PAG1: variants seen among roughly 807,000 people sequenced by gnomAD.
PAG1 encodes phosphoprotein associated with glycosphingolipid-enriched microdomains 1.
A neutral mutation model predicts 31.7 loss-of-function variants in PAG1; 23 were observed. The observed-to-expected ratio is 0.73, with a 90% CI of 0.52 to 1.03. The LOEUF is 1.03. PAG1 is among the 50% of genes least tolerant of loss of function. The probability of loss-of-function intolerance (pLI) is 0.00; values close to 1 mark genes in which losing one functional copy is unlikely to be tolerated. For synonymous variants in PAG1, 214 were observed against 210.3 expected, an observed-to-expected ratio of 1.02 and a Z score of -0.15; for missense variants, 473 against 540.7, an observed-to-expected ratio of 0.87 and a Z score of 1.24.
chr8:81,057,917 T>C (rs1235689977), intron 2 of PAG1, among the ~76,000 whole-genome samples: 1 of 152,152 alleles, frequency 6.6e-6, no homozygotes, highest in East Asian at 1.9e-4. Flanking sequence ...GTTTTACATA[T>C]CAATAACAAA....
chr8:81,050,203 T>C (rs903152930), intron 2 of PAG1, among the ~76,000 whole-genome samples: 14 of 152,210 alleles, frequency 9.2e-5, no homozygotes, highest in African/African-American at 3.4e-4. Context: ...ATGATAGTGT[T>C]GCAATTAAAA....
Position 80,974,152 on chromosome 8 carries a change from G to GTTTTTT in PAG1, c.*2386_*2391dup, listed in dbSNP as rs554932519. The GTTTTTT allele has an allele frequency of 5.1e-3, 589 of 114,882 alleles. No individual in the cohort carries two copies. Among genetic ancestry groups the GTTTTTT allele is most frequent in the Non-Finnish European group, 6.5e-3 (373 of 57,472 alleles). 7.1% of individuals were successfully genotyped at this position (114,882 alleles called of 1,614,324 possible). ...ATTATTTATGAGCTTTCTATAAAAA[G>GTTTTTT]TTTTTTTTTTTTTTTTTTTTTTACT... On this transcript the variant is annotated 3_prime_UTR_variant, in exon 9 of 9. Transcript: ENST00000220597.
At chr8:81,004,355 C>T (rs1027675187) in intron 3 of PAG1, among the ~76,000 whole-genome samples, 1 of 152,206 alleles carries the variant, frequency 6.6e-6, no homozygotes, top group Non-Finnish European at 1.5e-5. Flanking sequence ...TCTCTTACTA[C>T]AGGCAGTCTG....
intron 7 of PAG1, among the ~76,000 whole-genome samples, chr8:80,980,825 A>G (rs1586138729): frequency 1.3e-5 from 2 of 152,338 alleles, no homozygotes; most frequent in East Asian, 3.9e-4. Flanking sequence ...AATATTTAAA[A>G]ACATGGTGTT....
rs773196982 is a variant in PAG1 at position 80,990,549 on chromosome 8, G to A, written c.177+930C>T. On this transcript the variant is annotated intron_variant, in intron 5 of 8. Coordinates refer to ENST00000220597, the MANE Select transcript of PAG1 (RefSeq NM_018440.4). This position sits in a 1 kb window ranked among gnomAD's most constrained non-coding sequence, Gnocchi z 5.1. ...CTGAACTCTGCCTTGCTAATGTGAC[G>A]ATGGGCCCCCTCCCCAGCGGCTGGG... 2.0e-5 allele frequency among the ~76,000 whole-genome samples: 3 copies of A among 152,108 alleles called. No individual in the cohort carries two copies. Among genetic ancestry groups the A allele is most frequent in the East Asian group, 1.9e-4 (1 of 5,182 alleles).
At chr8:81,076,938 G>A (rs1809188234) in intron 1 of PAG1, among the ~76,000 whole-genome samples, 1 of 152,206 alleles carries the variant, frequency 6.6e-6, no homozygotes, top group Non-Finnish European at 1.5e-5. Flanking sequence ...AAGAGTTTTT[G>A]ATGAAGATGA....
intron 3 of PAG1, among the ~76,000 whole-genome samples, chr8:81,009,629 T>C (rs914023787): frequency 6.6e-6 from 1 of 152,192 alleles, no homozygotes; most frequent in Non-Finnish European, 1.5e-5. Context: ...TGCCAACTTT[T>C]TTTTTAAGAC....
chr8:81,084,726 C>T (rs1809324000), intron 1 of PAG1, among the ~76,000 whole-genome samples: 1 of 152,076 alleles, frequency 6.6e-6, no homozygotes, highest in Non-Finnish European at 1.5e-5. Flanking sequence ...AATTTTCTTC[C>T]CAATGGCTTT....
intron 7 of PAG1, among the ~76,000 whole-genome samples, chr8:80,983,857 A>C (rs1016684468): frequency 6.6e-6 from 1 of 152,220 alleles, no homozygotes; most frequent in Non-Finnish European, 1.5e-5. Context: ...TGGTGCTCTC[A>C]ACAGCTGATT....
chr8:80,981,842 C>A (rs925113601), intron 7 of PAG1, among the ~76,000 whole-genome samples: 2 of 150,256 alleles, frequency 1.3e-5, no homozygotes, highest in Admixed American at 1.3e-4. Flanking sequence ...CGAAATTCTA[C>A]CTACTCATTA....
intron 1 of PAG1, among the ~76,000 whole-genome samples, chr8:81,098,212 A>G (rs151188675): frequency 6.6e-6 from 1 of 152,214 alleles, no homozygotes; most frequent in Non-Finnish European, 1.5e-5. Context: ...ATTAAAACAG[A>G]CGTGAAATTT....
At chr8:81,063,111 A>G (rs1808944454) in intron 2 of PAG1, among the ~76,000 whole-genome samples, 1 of 152,210 alleles carries the variant, frequency 6.6e-6, no homozygotes, top group African/African-American at 2.4e-5. Flanking sequence ...GAATTTAAAT[A>G]TCTAAAATGA....
intron 2 of PAG1, among the ~76,000 whole-genome samples, chr8:81,060,862 T>C (rs965118115): frequency 2.0e-5 from 3 of 152,200 alleles, no homozygotes; most frequent in African/African-American, 7.2e-5. Context: ...AACTATCCAA[T>C]AAGCATTACC....
chr8:81,074,703 G>A (rs574127302), intron 1 of PAG1, among the ~76,000 whole-genome samples: 1 of 152,242 alleles, frequency 6.6e-6, no homozygotes, highest in African/African-American at 2.4e-5. Flanking sequence ...ACCCCCAGGT[G>A]ATTCACACTA....
At chr8:81,007,590 T>A (rs1807907104) in intron 3 of PAG1, among the ~76,000 whole-genome samples, 1 of 130,968 alleles carries the variant, frequency 7.6e-6, no homozygotes, top group African/African-American at 3.0e-5. Flanking sequence ...TGAGCTGAGA[T>A]CGTGCCACTG....
chr8:81,022,286 T>G (rs1296473661), intron 3 of PAG1, among the ~76,000 whole-genome samples: 1 of 152,252 alleles, frequency 6.6e-6, no homozygotes, highest in African/African-American at 2.4e-5. Flanking sequence ...TAATCAAATG[T>G]AAAAGTTATT....
intron 2 of PAG1, among the ~76,000 whole-genome samples, chr8:81,035,827 C>G (rs183109814): frequency 6.6e-5 from 10 of 151,996 alleles, no homozygotes; most frequent in Admixed American, 6.5e-4. Context: ...GGCCAAAGAT[C>G]ACAGAAGCCT....
intron 2 of PAG1, among the ~76,000 whole-genome samples, chr8:81,060,349 A>C (rs1322685811): frequency 6.6e-6 from 1 of 152,184 alleles, no homozygotes; most frequent in Non-Finnish European, 1.5e-5. Context: ...TATACAATTA[A>C]CTCTACCTAA....
chr8:81,020,140 C>G (rs1808138144), intron 3 of PAG1, among the ~76,000 whole-genome samples: 1 of 152,188 alleles, frequency 6.6e-6, no homozygotes, highest in African/African-American at 2.4e-5. Context: ...CCCATTATAT[C>G]TGGGAAATAA....
Sources: gnomAD v4.1 joint callset for allele counts (sites outside exome capture counted in the v4.1 genomes callset) on GRCh38, gnomAD v4.1.1 for gene constraint, Gnocchi (gnomAD v3.1) non-coding constraint, MANE v1.5 for transcripts, NCBI Gene and HGNC (gene_info 2026-07-23, HGNC 2026-07-21) for gene names.